The following ANGEL2 variants were observed in gnomAD, a reference collection of about 807,000 sequenced individuals.
ANGEL2 encodes RNA 2',3'-cyclic phosphatase ANGEL2.
Under a neutral mutation model 66.0 loss-of-function variants are expected in ANGEL2, and 41 were observed. That is an observed-to-expected ratio of 0.62 (90% CI 0.48 to 0.81). ANGEL2 has a LOEUF of 0.81. ANGEL2 is among the 30% of genes least tolerant of loss of function. The pLI, the probability that ANGEL2 is intolerant of heterozygous loss-of-function variation, is 0.00. For synonymous variants in ANGEL2, 208 were observed against 226.5 expected, an observed-to-expected ratio of 0.92 and a Z score of 0.73; for missense variants, 561 against 641.6, an observed-to-expected ratio of 0.87 and a Z score of 1.36.
chr1:212,998,078 C>G, intron 7 of ANGEL2, among the ~76,000 whole-genome samples: 1 of 151,958 alleles, frequency 6.6e-6, no homozygotes, highest in Non-Finnish European at 1.5e-5. Flanking sequence ...CTTTTTATGT[C>G]TAAGGATTTA....
chr1:213,005,023 A>G lies in ANGEL2; in HGVS notation c.1134+10T>C, dbSNP rs1330943929. On this transcript the variant is annotated intron_variant, in intron 5 of 8. Transcript: ENST00000366962. ...GTCCACTCCCTAATAACAATGAAGAAAGCACTTACCTTTCCTATGGGAAGT... is the reference window on the plus strand; with the variant it reads ...GTCCACTCCCTAATAACAATGAAGAGAGCACTTACCTTTCCTATGGGAAGT... 2 of 1,527,114 alleles carry G rather than the reference A, an allele frequency of 1.3e-6. No homozygotes were observed. Among genetic ancestry groups the G allele is most frequent in the East Asian group, 4.5e-5 (2 of 44,456 alleles). The allele number at this position is 1,527,114 out of a possible 1,614,324, so 94.6% of individuals were successfully genotyped here.
intron 5 of ANGEL2, 118 bp from the exon 6 acceptor site, chr1:213,001,030 AT>A: frequency 2.1e-6 from 2 of 951,216 alleles, no homozygotes; most frequent in South Asian, 3.3e-5. Flanking sequence ...CCCTTTATTC[AT>A]TGTATTAAGT....
In ANGEL2 at chr1:212,992,818, A is replaced by G. The variant is rs549606121; in HGVS notation, c.*2223T>C. The G allele has an allele frequency of 6.6e-6, 1 of 152,352 alleles. No individual in the cohort carries two copies. The highest frequency in any genetic ancestry group is 1.5e-5 in the Non-Finnish European group (1 of 68,030). The allele number at this position is 152,352 out of a possible 1,614,324, so 9.4% of individuals were successfully genotyped here. ...CCTATATGTAATAATGTTATTTGTT[A>G]ATAAATTCACACAACACAAAGCAGT... On this transcript the variant is annotated 3_prime_UTR_variant, in exon 9 of 9. Coordinates refer to ENST00000366962, the MANE Select transcript of ANGEL2 (RefSeq NM_144567.5).
At position 213,005,129 on chromosome 1, in the gene ANGEL2, A is replaced by G. The variant is rs375445649; in HGVS notation, c.1038T>C (p.Ile346=). Residue 346 remains isoleucine (I), a synonymous_variant, in exon 5 of 9, where the codon ATT becomes ATC. Coordinates refer to ENST00000366962, the MANE Select transcript of ANGEL2 (RefSeq NM_144567.5). ...AHQKDGSFCP[I]VMCGDFNSVP... is the part of the protein sequence containing the mutation. The stretch of plus-strand genomic sequence containing the variant: ...CAGAATTAAAGTCACCACACATAAC[A>G]ATAGGGCAGAAGCTGCCATCTTTCT... The G allele has an allele frequency of 9.9e-6, 16 of 1,614,190 alleles. No individual in the cohort carries two copies. Among genetic ancestry groups the G allele is most frequent in the Admixed American group, 5.0e-5 (3 of 60,022 alleles).
chr1:213,015,512 C>A, intron 1 of ANGEL2, 101 bp downstream of exon 1: 2 of 1,491,024 alleles, frequency 1.3e-6, no homozygotes, highest in East Asian at 2.5e-5. Context: ...CCTTCCACCC[C>A]TAGCCCGCCC....
chr1:212,996,251 G>A (rs1558166242), intron 8 of ANGEL2, among the ~76,000 whole-genome samples: 1 of 152,114 alleles, frequency 6.6e-6, no homozygotes, highest in South Asian at 2.1e-4. Flanking sequence ...AGCTTGCAGT[G>A]AGCTGAGATA....
rs563349848 is a variant in ANGEL2 at position 213,010,285 on chromosome 1, T to G, written c.386-1819A>C. On this transcript the variant is annotated intron_variant, in intron 2 of 8. Transcript: ENST00000366962. ...AAAATTTCTATAGGGAAAACAGAAC[T>G]GATTGGCCGGGCGTGGTGGCTCACA... is the stretch of plus-strand genomic sequence containing the variant. Among the ~76,000 whole-genome samples, 4 of 151,492 alleles carry G rather than the reference T, an allele frequency of 2.6e-5. No homozygotes were observed. The South Asian group carries it at 8.4e-4, about 32-fold the overall frequency.
intron 4 of ANGEL2, 89 bp from the exon 5 acceptor site, chr1:213,005,543 C>G (rs183453586): frequency 2.8e-4 from 368 of 1,325,964 alleles, no homozygotes; most frequent in African/African-American, 2.7e-3. Flanking sequence ...ACAATGTTTA[C>G]CAAACTGTAT....
At chr1:213,015,127 C>G (rs2076607173) in intron 1 of ANGEL2, 2 of 991,340 alleles carry the variant, frequency 2.0e-6, no homozygotes, top group South Asian at 9.2e-5. Flanking sequence ...ATACAAGTGA[C>G]TAAAGTTTGA....
In ANGEL2 at chr1:213,015,805, G is replaced by A; in HGVS notation, c.-134C>T. ...GACTCCAGTCCTGGCTGCAAGGCAT[G>A]CTGGGAGGTGCAGTCTCGCCGGCCG... On this transcript the variant is annotated 5_prime_UTR_variant, in exon 1 of 9. Coordinates refer to ENST00000366962, the MANE Select transcript of ANGEL2 (RefSeq NM_144567.5). 8.4e-7 allele frequency: 1 copy of A among 1,197,032 alleles called. No homozygotes were observed. The highest frequency in any genetic ancestry group is 1.2e-6 in the Non-Finnish European group (1 of 840,366). The allele number at this position is 1,197,032 out of a possible 1,614,324, so 74.2% of individuals were successfully genotyped here.
rs754366989 is a variant in ANGEL2 at position 213,013,371 on chromosome 1, G to T, written c.107C>A (p.Thr36Asn). 1.1e-5 allele frequency: 17 copies of T among 1,614,010 alleles called. No homozygotes were observed. The highest frequency in any genetic ancestry group is 1.4e-5 in the Non-Finnish European group (17 of 1,180,004). The change falls in exon 2 of 9, where the codon ACT becomes AAT. Residue 36 changes from threonine (T) to asparagine (N), a missense_variant. By Grantham distance (65) the Thr-to-Asn change is moderately conservative. Transcript: ENST00000366962. The stretch of plus-strand genomic sequence containing the variant: ...CCTTTGCAGATTCTCCCACGGTGTA[G>T]TCCAGTCTCTGCCCAGACTCCTCGA... ...HHSRSLGRDW[T>N]TPWENLQRCC...
intron 2 of ANGEL2, among the ~76,000 whole-genome samples, chr1:213,011,014 G>T (rs2076492905): frequency 6.6e-6 from 1 of 152,152 alleles, no homozygotes; most frequent in South Asian, 2.1e-4. Flanking sequence ...TCCCTGGCAT[G>T]CTGGGACTGG....
At chr1:213,015,366 C>G in intron 1 of ANGEL2, 1 of 1,405,690 alleles carries the variant, frequency 7.1e-7, no homozygotes, top group South Asian at 1.6e-5. Flanking sequence ...GCCTGGCCGG[C>G]GGCCCATGAA....
intron 7 of ANGEL2, among the ~76,000 whole-genome samples, chr1:212,998,966 G>GC (rs1481240034): frequency 6.6e-6 from 1 of 151,888 alleles, no homozygotes; most frequent in African/African-American, 2.4e-5. Flanking sequence ...TGCAACCTCT[G>GC]CCCCCCAGGG....
chr1:213,005,896 C>T (rs912488531), intron 4 of ANGEL2, among the ~76,000 whole-genome samples: 4 of 152,088 alleles, frequency 2.6e-5, no homozygotes, highest in Admixed American at 6.6e-5. Context: ...TTCTAGGCAT[C>T]GCTTATTCCT....
At chr1:213,003,248 A>G (rs1194725195) in intron 5 of ANGEL2, among the ~76,000 whole-genome samples, 2 of 152,236 alleles carry the variant, frequency 1.3e-5, no homozygotes, top group Non-Finnish European at 2.9e-5. Context: ...CATATTAGCA[A>G]TAAGGCTGTT....
chr1:212,999,517 A>G (rs1445161726), intron 7 of ANGEL2, among the ~76,000 whole-genome samples: 5 of 152,162 alleles, frequency 3.3e-5, no homozygotes, highest in Non-Finnish European at 1.5e-5. Flanking sequence ...TTATGTAGTA[A>G]TATTTTCTCA....
chr1:213,000,783 T>C lies in ANGEL2; in HGVS notation c.1261+3A>G, dbSNP rs1232884954. 5.6e-6 allele frequency: 9 copies of C among 1,604,514 alleles called. No individual in the cohort carries two copies. The highest frequency in any genetic ancestry group is 1.8e-5 in the Admixed American group (1 of 56,106). The stretch of plus-strand genomic sequence containing the variant: ...ACTGCCAAAATGTATTACAAACACT[T>C]ACCTGTCTTTTCTACTTTTGGTACC... On this transcript the variant is annotated splice_donor_region_variant and intron_variant, in intron 6 of 8. Transcript: ENST00000366962.
Position 213,007,167 on chromosome 1 carries a change from T to C in ANGEL2, c.674A>G (p.His225Arg). The C allele has an allele frequency of 6.3e-7, 1 of 1,596,600 alleles. No homozygotes were observed. The highest frequency in any genetic ancestry group is 8.5e-7 in the Non-Finnish European group (1 of 1,173,822). The change falls in exon 4 of 9, where the codon CAT (histidine) becomes CGT (arginine). Residue 225 changes from histidine to arginine, a missense_variant. Transcript: ENST00000366962. ...ACTTGGCCTGATCTCTGCTCCATAATGATCTTCTTGAACTTCTTGCAAACA... is the reference window on the plus strand; with the variant it reads ...ACTTGGCCTGATCTCTGCTCCATAACGATCTTCTTGAACTTCTTGCAAACA... ...VLCLQEVQED[H>R]YGAEIRPSLE...
Sources: gnomAD v4.1 joint callset for allele counts (sites outside exome capture counted in the v4.1 genomes callset) on GRCh38, gnomAD v4.1.1 for gene constraint, MANE v1.5 for transcripts, NCBI Gene and HGNC (gene_info 2026-07-23, HGNC 2026-07-21) for gene names.